SVEP1: variants seen among roughly 807,000 people sequenced by gnomAD.
SVEP1 encodes the protein sushi, von Willebrand factor type A, EGF and pentraxin domain containing 1, also known as sushi, von Willebrand factor type A, EGF and pentraxin domain-containing protein 1.
SVEP1 carries 164 observed loss-of-function variants against 367.3 expected under a neutral mutation model. The ratio of observed to expected loss-of-function variants is 0.45; its 90% CI spans 0.39 to 0.51. The LOEUF (loss-of-function observed/expected upper bound fraction) is 0.51, where lower values mean the gene tolerates loss of function less well. Among genes scored for constraint, SVEP1 ranks in the 20% least tolerant of loss-of-function variants. The probability of loss-of-function intolerance (pLI) is 0.00; values close to 1 mark genes in which losing one functional copy is unlikely to be tolerated. For missense variants in SVEP1, 4,117 were observed against 4,425.3 expected, an observed-to-expected ratio of 0.93 and a Z score of 1.98; for synonymous variants, 1,666 against 1,611.6, an observed-to-expected ratio of 1.03 and a Z score of -0.81.
At chr9:110,422,729 A>G (rs1402616863) in intron 36 of SVEP1, among the ~76,000 whole-genome samples, 1 of 128,834 alleles carries the variant, frequency 7.8e-6, no homozygotes, top group Admixed American at 7.7e-5. Flanking sequence ...CCAAATGTCC[A>G]ACAATGATAG....
intron 20 of SVEP1, 26 bp from the exon 21 acceptor site, chr9:110,457,378 C>A: frequency 6.5e-7 from 1 of 1,548,630 alleles, no homozygotes; most frequent in Non-Finnish European, 8.9e-7. Context: ...AAAAATCAAT[C>A]AGAGACAAAG....
In SVEP1 at chr9:110,483,704, T is replaced by A. The variant is rs1434877539; in HGVS notation, c.1931-11A>T. On this transcript the variant is annotated splice_polypyrimidine_tract_variant and intron_variant, in intron 9 of 47. Coordinates refer to ENST00000374469, the MANE Select transcript of SVEP1 (RefSeq NM_153366.4). ...CAGGTGGTTCTGCATCTGAAGAACA[T>A]GAAATCAGACAAAGAAGTCACAGCT... 1 of 1,565,880 alleles carries A rather than the reference T, an allele frequency of 6.4e-7. No individual in the cohort carries two copies. The highest frequency in any genetic ancestry group is 8.7e-7 in the Non-Finnish European group (1 of 1,155,558).
intron 3 of SVEP1, among the ~76,000 whole-genome samples, chr9:110,518,628 T>C (rs1225835141): frequency 6.6e-6 from 1 of 152,122 alleles, no homozygotes; most frequent in Non-Finnish European, 1.5e-5. Flanking sequence ...CATTTCATGG[T>C]TATCGGCTCT....
chr9:110,445,441 T>C (rs1588056676), intron 26 of SVEP1, among the ~76,000 whole-genome samples: 2 of 152,322 alleles, frequency 1.3e-5, no homozygotes, highest in Admixed American at 6.5e-5. Context: ...GATCCTATTA[T>C]ATAAAAGAAA....
Position 110,496,914 on chromosome 9 carries a change from G to T in SVEP1, c.1701C>A (p.Ile567=). The stretch of plus-strand genomic sequence containing the variant: ...TAGCCTCTATGTCCTTAGGACAGTT[G>T]ATTTGAGGAGCCTCCACGTCTAACT... ...AVCKDVEAPQ[I]NCPKDIEAKT... is the part of the protein sequence containing the mutation. Residue 567 remains isoleucine, a synonymous_variant, in exon 8 of 48, where the codon ATC becomes ATA. Transcript: ENST00000374469. 6.5e-7 allele frequency: 1 copy of T among 1,547,184 alleles called. No individual in the cohort carries two copies. The highest frequency in any genetic ancestry group is 1.2e-5 in the South Asian group (1 of 83,504).
chr9:110,476,225 A>G lies in SVEP1; in HGVS notation c.2578T>C (p.Tyr860His). ...KKYCLEYNYD[Y>H]ENGFAIGPGG... is the part of the protein sequence containing the mutation. ...TTACCAATTGCAAAGCCATTTTCAT[A>G]GTCATAATTATATTCTAGGCAATAT... Residue 860 changes from tyrosine (Y) to histidine (H), a missense_variant, in exon 14 of 48, where the codon TAT (tyrosine) becomes CAT (histidine). By Grantham distance (83) the Tyr-to-His change is moderately conservative. Transcript: ENST00000374469. 1 of 1,611,780 alleles carries G rather than the reference A, an allele frequency of 6.2e-7. No homozygotes were observed. The highest frequency in any genetic ancestry group is 8.5e-7 in the Non-Finnish European group (1 of 1,178,280).
intron 5 of SVEP1, among the ~76,000 whole-genome samples, chr9:110,508,543 T>C (rs1305776233): frequency 1.3e-5 from 2 of 151,796 alleles, no homozygotes; most frequent in Admixed American, 1.3e-4. Flanking sequence ...GGGTGGATCA[T>C]GAGGTCAGGA....
At chr9:110,466,622 G>A (rs901983909) in intron 17 of SVEP1, among the ~76,000 whole-genome samples, 6 of 150,442 alleles carry the variant, frequency 4.0e-5, no homozygotes, top group Non-Finnish European at 7.4e-5. Context: ...TTAGCCGGGC[G>A]TAGTGGCGGG....
At position 110,378,709 on chromosome 9, in the gene SVEP1, G is replaced by A. The variant is rs184882687; in HGVS notation, c.10408+638C>T. ...CCTGAATGGCAGGTGGGAATTGAAC[G>A]ATGAGAACACATGGACACAGGAAGG... is the stretch of plus-strand genomic sequence containing the variant. On this transcript the variant is annotated intron_variant, in intron 44 of 47. Transcript: ENST00000374469. 5.6e-3 allele frequency among the ~76,000 whole-genome samples: 801 copies of A among 142,908 alleles called. 5 individuals carry two copies. Among genetic ancestry groups the A allele is most frequent in the African/African-American group, 0.019 (753 of 38,650 alleles). The allele number at this position is 142,908 out of a possible 152,430, so 93.8% of individuals were successfully genotyped here. A position where few individuals can be genotyped will look rare whatever the true frequency, so the allele number is the denominator to read the frequency against.
intron 1 of SVEP1, among the ~76,000 whole-genome samples, chr9:110,576,227 T>TCACACACACA (rs57822772): frequency 5.2e-4 from 78 of 150,018 alleles, no homozygotes; most frequent in South Asian, 1.7e-3. Flanking sequence ...ATAGGTAGTC[T>TCACACACACA]CACACACACA....
intron 40 of SVEP1, among the ~76,000 whole-genome samples, chr9:110,396,430 C>T (rs368105273): frequency 4.0e-5 from 6 of 151,848 alleles, no homozygotes; most frequent in African/African-American, 2.4e-5. Flanking sequence ...AACATCACAA[C>T]TAAAAGAACT....
At chr9:110,518,421 C>CAA (rs759436270) in intron 3 of SVEP1, among the ~76,000 whole-genome samples, 4 of 129,830 alleles carry the variant, frequency 3.1e-5, no homozygotes, top group Non-Finnish European at 5.0e-5. Context: ...GACTCCATCT[C>CAA]AAAAAAAAAA....
chr9:110,446,022 A>G lies in SVEP1; in HGVS notation c.4278T>C (p.Phe1426=). The G allele has an allele frequency of 6.2e-7, 1 of 1,612,004 alleles. No individual in the cohort carries two copies. Reference sequence around the variant, plus strand: ...TGCCAGAAACTTCAAAATCCAGGTTAAAGCCTGTAGACTGTTCTGCAATGA... The same window carrying G: ...TGCCAGAAACTTCAAAATCCAGGTTGAAGCCTGTAGACTGTTCTGCAATGA... ...KRCETEQSTG[F]NLDFEVSGIY... Residue 1426 remains phenylalanine, a synonymous_variant, in exon 26 of 48, where the codon TTT becomes TTC. Coordinates refer to ENST00000374469, the MANE Select transcript of SVEP1 (RefSeq NM_153366.4).
intron 40 of SVEP1, among the ~76,000 whole-genome samples, chr9:110,393,369 T>G (rs1417033306): frequency 6.6e-6 from 1 of 152,148 alleles, no homozygotes; most frequent in Non-Finnish European, 1.5e-5. Flanking sequence ...TAATGAGACA[T>G]GCAAAACATT....
intron 14 of SVEP1, among the ~76,000 whole-genome samples, chr9:110,473,847 G>A (rs10980404): frequency 0.15 from 22,974 of 152,064 alleles, 2,329 homozygotes; most frequent in East Asian, 0.44. Context: ...AAGTGCATGG[G>A]CATTTAAAAT....
intron 26 of SVEP1, 126 bp downstream of exon 26, chr9:110,445,711 A>T: frequency 2.0e-6 from 2 of 993,822 alleles, no homozygotes; most frequent in Non-Finnish European, 3.0e-6. Flanking sequence ...CCATTTGATT[A>T]TTGACACCCT....
At chr9:110,545,210 T>C (rs1014883720) in intron 3 of SVEP1, among the ~76,000 whole-genome samples, 4 of 152,246 alleles carry the variant, frequency 2.6e-5, no homozygotes, top group Admixed American at 6.5e-5. Flanking sequence ...CTATTATGAA[T>C]GGTGGTACAA....
intron 3 of SVEP1, among the ~76,000 whole-genome samples, chr9:110,544,136 A>G (rs1288783058): frequency 1.3e-5 from 2 of 152,164 alleles, no homozygotes; most frequent in Non-Finnish European, 2.9e-5. Context: ...ATGTCCCAAG[A>G]GAAGGAAAGA....
At chr9:110,443,797 TTTC>T in intron 26 of SVEP1, 77 bp from the exon 27 acceptor site, 2 of 1,261,142 alleles carry the variant, frequency 1.6e-6, no homozygotes. Flanking sequence ...TGCTACAATT[TTTC>T]TTCTTTTTCT....
Sources: gnomAD v4.1 joint callset for allele counts (sites outside exome capture counted in the v4.1 genomes callset) on GRCh38, gnomAD v4.1.1 for gene constraint, MANE v1.5 for transcripts, NCBI Gene and HGNC (gene_info 2026-07-23, HGNC 2026-07-21) for gene names.